ZMAT4: variants seen among roughly 807,000 people sequenced by gnomAD.
The protein encoded by ZMAT4 is zinc finger matrin-type 4.
ZMAT4 carries 17 observed loss-of-function variants against 28.7 expected under a neutral mutation model. The observed-to-expected ratio is 0.59, with a 90% CI of 0.41 to 0.89. The LOEUF (loss-of-function observed/expected upper bound fraction) is 0.89. Among genes scored for constraint, ZMAT4 ranks in the 40% least tolerant of loss-of-function variants. ZMAT4 has a pLI of 0.00. For missense variants in ZMAT4, 240 were observed against 283.8 expected, an observed-to-expected ratio of 0.85 and a Z score of 1.11; for synonymous variants, 117 against 109.2, an observed-to-expected ratio of 1.07 and a Z score of -0.44.
chr8:40,892,355 C>A (rs1214102614), intron 1 of ZMAT4, among the ~76,000 whole-genome samples: 1 of 152,162 alleles, frequency 6.6e-6, no homozygotes, highest in East Asian at 1.9e-4. Flanking sequence ...ATTCCCGCCA[C>A]CCTGGCCTCA....
chr8:40,849,256 A>G (rs1817016899), intron 1 of ZMAT4, among the ~76,000 whole-genome samples: 1 of 152,126 alleles, frequency 6.6e-6, no homozygotes, highest in African/African-American at 2.4e-5. Context: ...TCAACACACA[A>G]TTGCCCTGTT....
intron 3 of ZMAT4, among the ~76,000 whole-genome samples, chr8:40,754,996 A>G (rs1812616773): frequency 6.6e-6 from 1 of 152,200 alleles, no homozygotes; most frequent in Non-Finnish European, 1.5e-5. Context: ...AGCAACAGAG[A>G]GTGACCCTAT....
At chr8:40,837,983 G>A (rs1390704465) in intron 1 of ZMAT4, among the ~76,000 whole-genome samples, 1 of 152,216 alleles carries the variant, frequency 6.6e-6, no homozygotes, top group Non-Finnish European at 1.5e-5. Flanking sequence ...GCCATCTTGT[G>A]AGGGGCAAAC....
chr8:40,667,330 A>G (rs1808460654), intron 5 of ZMAT4, among the ~76,000 whole-genome samples: 2 of 151,816 alleles, frequency 1.3e-5, no homozygotes, highest in African/African-American at 4.8e-5. Context: ...TAATTTTTGT[A>G]TTTTTAGTAG....
intron 3 of ZMAT4, among the ~76,000 whole-genome samples, chr8:40,713,633 G>A (rs544909826): frequency 6.6e-6 from 1 of 152,030 alleles, no homozygotes; most frequent in South Asian, 2.1e-4. Context: ...TCCAGGCCAG[G>A]CGCAGTGGCT....
intron 6 of ZMAT4, among the ~76,000 whole-genome samples, chr8:40,534,451 T>C (rs1802784015): frequency 6.6e-6 from 1 of 152,144 alleles, no homozygotes; most frequent in Non-Finnish European, 1.5e-5. Flanking sequence ...AAATAGAAAA[T>C]TGAAGAAAGG....
chr8:40,606,135 T>C (rs954293065), intron 5 of ZMAT4, among the ~76,000 whole-genome samples: 1 of 152,198 alleles, frequency 6.6e-6, no homozygotes, highest in Non-Finnish European at 1.5e-5. Flanking sequence ...ATTCCACCAT[T>C]CTGTATTTTT....
chr8:40,568,227 G>A (rs1466120598), intron 6 of ZMAT4, among the ~76,000 whole-genome samples: 1 of 152,138 alleles, frequency 6.6e-6, no homozygotes. Context: ...GGAAGTGGGA[G>A]TCTGAGTGAG....
At chr8:40,845,718 A>T (rs992274569) in intron 1 of ZMAT4, among the ~76,000 whole-genome samples, 14 of 150,580 alleles carry the variant, frequency 9.3e-5, no homozygotes, top group Admixed American at 2.0e-4. Context: ...AAAAAAAAAA[A>T]TTTTTAGAAG....
At chr8:40,560,257 A>G (rs1268313416) in intron 6 of ZMAT4, among the ~76,000 whole-genome samples, 1 of 151,456 alleles carries the variant, frequency 6.6e-6, no homozygotes, top group African/African-American at 2.4e-5. Context: ...ATCTTAACTC[A>G]TTGTCCTGAA....
At chr8:40,559,568 T>C (rs1334131755) in intron 6 of ZMAT4, among the ~76,000 whole-genome samples, 1 of 152,186 alleles carries the variant, frequency 6.6e-6, no homozygotes, top group Non-Finnish European at 1.5e-5. Flanking sequence ...TGGCCTCTGC[T>C]AGAGGCAATG....
At chr8:40,756,457 T>TACAC (rs68106375) in intron 3 of ZMAT4, among the ~76,000 whole-genome samples, 1 of 113,316 alleles carries the variant, frequency 8.8e-6, no homozygotes, top group South Asian at 3.1e-4. Context: ...TATATATATA[T>TACAC]ACACACTTGT....
At chr8:40,608,197 G>A (rs1254768656) in intron 5 of ZMAT4, among the ~76,000 whole-genome samples, 1 of 152,114 alleles carries the variant, frequency 6.6e-6, no homozygotes, top group Non-Finnish European at 1.5e-5. Context: ...CCATCAGATG[G>A]GGGCAGGATT....
At chr8:40,769,315 T>C (rs557185803) in intron 2 of ZMAT4, among the ~76,000 whole-genome samples, 2 of 152,142 alleles carry the variant, frequency 1.3e-5, no homozygotes, top group Admixed American at 1.3e-4. Flanking sequence ...GAAACAGACA[T>C]GTAGATGTAT....
rs559402270 is a variant in ZMAT4, at chr8:40,871,876, G to A, written c.-5+25807C>T. ...GATTTGACAAACTACCTCCTGATGA[G>A]TTAAAATGAGTTTCCACTCCTAAAT... On this transcript the variant is annotated intron_variant, in intron 1 of 6. Transcript: ENST00000297737. Among the ~76,000 whole-genome samples, 9 of 152,338 alleles carry A rather than the reference G, an allele frequency of 5.9e-5. No homozygotes were observed. The South Asian group carries it at 1.9e-3, about 32-fold the overall frequency.
At chr8:40,615,841 A>C (rs1366297925) in intron 5 of ZMAT4, among the ~76,000 whole-genome samples, 1 of 152,148 alleles carries the variant, frequency 6.6e-6, no homozygotes, top group Non-Finnish European at 1.5e-5. Flanking sequence ...ATCTTTTTTC[A>C]ATGTTTTTAG....
At chr8:40,601,563 GAAGAAAGAAAGAAAGA>G (rs1339134333) in intron 5 of ZMAT4, among the ~76,000 whole-genome samples, 11 of 118,476 alleles carry the variant, frequency 9.3e-5, no homozygotes, top group African/African-American at 3.3e-4. Context: ...AAGAAAGAAA[GAAGAAAGAAAGAAAGA>G]AAGAAAGAAA....
At chr8:40,741,987 C>G (rs1812022662) in intron 3 of ZMAT4, among the ~76,000 whole-genome samples, 1 of 151,894 alleles carries the variant, frequency 6.6e-6, no homozygotes, top group African/African-American at 2.4e-5. Context: ...GCCTGTAATC[C>G]CAATACTTTG....
intron 2 of ZMAT4, among the ~76,000 whole-genome samples, chr8:40,788,806 A>G (rs1814197454): frequency 6.6e-6 from 1 of 152,110 alleles, no homozygotes; most frequent in Non-Finnish European, 1.5e-5. Context: ...TCATGAACAT[A>G]GATATAAGAA....
Sources: gnomAD v4.1 joint callset for allele counts (sites outside exome capture counted in the v4.1 genomes callset) on GRCh38, gnomAD v4.1.1 for gene constraint, MANE v1.5 for transcripts, NCBI Gene and HGNC (gene_info 2026-07-23, HGNC 2026-07-21) for gene names.